Variants in ALAS1 observed in about 807,000 individuals in gnomAD.
ALAS1 encodes the protein 5-aminolevulinate synthase, non-specific, mitochondrial.
A neutral mutation model predicts 59.6 loss-of-function variants in ALAS1; 29 were observed. That is an observed-to-expected ratio of 0.49 (90% CI 0.36 to 0.66). The LOEUF is 0.66. ALAS1 is among the 30% of genes least tolerant of loss of function. The probability of loss-of-function intolerance (pLI) is 0.00; values close to 1 mark genes in which losing one functional copy is unlikely to be tolerated. For synonymous variants in ALAS1, 299 were observed against 296.6 expected (o/e 1.01, Z -0.08); for missense variants, 690 against 807.5 (o/e 0.85, Z 1.76).
intron 9 of ALAS1, among the ~76,000 whole-genome samples, chr3:52,209,685 A>G (rs1699366674): frequency 6.6e-6 from 1 of 151,740 alleles, no homozygotes; most frequent in Non-Finnish European, 1.5e-5. Context: ...ATCTATGAAG[A>G]CTCTTCTGGA....
At chr3:52,213,966 C>T (rs751445110) in intron 11 of ALAS1, 54 bp from the exon 12 acceptor site, 49 of 1,507,540 alleles carry the variant, frequency 3.3e-5, no homozygotes, top group Non-Finnish European at 4.3e-5. Context: ...CATATGTTTT[C>T]ATTTCTCTTG....
In ALAS1 at chr3:52,212,348, C is replaced by T; in HGVS notation, c.1690C>T (p.Pro564Ser). 1 of 1,614,154 alleles carries T rather than the reference C, an allele frequency of 6.2e-7. No homozygotes were observed. Among genetic ancestry groups the T allele is most frequent in the South Asian group, 1.1e-5 (1 of 91,068 alleles). ...YVQAINYPTV[P>S]RGEELLRIAP... The stretch of plus-strand genomic sequence containing the variant: ...GCAAGCAATCAATTACCCTACGGTG[C>T]CCCGGGGAGAAGAGCTCCTACGGAT... The change falls in exon 11 of 12, where the codon CCC becomes TCC. Residue 564 changes from proline (P) to serine (S), a missense_variant. Coordinates refer to ENST00000484952, the MANE Select transcript of ALAS1 (RefSeq NM_000688.6).
intron 8 of ALAS1, among the ~76,000 whole-genome samples, 170 bp downstream of exon 8, chr3:52,206,921 G>C (rs557958856): frequency 6.6e-6 from 1 of 150,928 alleles, no homozygotes; most frequent in Admixed American, 6.6e-5. Flanking sequence ...TGCAAGCTCC[G>C]CCTCCCGGGT....
In ALAS1 at chr3:52,204,874, C is replaced by T. The variant is rs759342642; in HGVS notation, c.759C>T (p.Tyr253=). The stretch of plus-strand genomic sequence containing the variant: ...TGTCAGTCTGGTGCAGTAATGACTA[C>T]CTAGGAATGAGTCGCCACCCACGGG... ...KQVSVWCSND[Y]LGMSRHPRVC... is the part of the protein sequence containing the mutation. The change falls in exon 6 of 12, where the codon TAC becomes TAT. Residue 253 remains tyrosine, a synonymous_variant. Coordinates refer to ENST00000484952, the MANE Select transcript of ALAS1 (RefSeq NM_000688.6). The T allele has an allele frequency of 5.0e-6, 8 of 1,614,124 alleles. 1 individual carries two copies. Among genetic ancestry groups the T allele is most frequent in the South Asian group, 2.2e-5 (2 of 91,082 alleles).
intron 3 of ALAS1, among the ~76,000 whole-genome samples, chr3:52,200,375 A>G (rs1427594002): frequency 6.6e-6 from 1 of 152,148 alleles, no homozygotes; most frequent in Non-Finnish European, 1.5e-5. Context: ...TTCTGTCTCT[A>G]TGAATTTGAC....
chr3:52,214,174 G>C lies in ALAS1; in HGVS notation c.1917G>C (p.Gln639His). ...GCTTGAGCAAGTTGGTATCTGCTCA[G>C]GCCTGAGCATGACCTCAATTATTTC... ...FSGLSKLVSAQA is the reference protein window; with the variant it reads ...FSGLSKLVSAHA Residue 639 changes from glutamine (Q) to histidine (H), a missense_variant, in exon 12 of 12, where the codon CAG becomes CAC. Coordinates refer to ENST00000484952, the MANE Select transcript of ALAS1 (RefSeq NM_000688.6). 3.1e-6 allele frequency: 5 copies of C among 1,595,278 alleles called. No individual in the cohort carries two copies. Among genetic ancestry groups the C allele is most frequent in the Non-Finnish European group, 4.3e-6 (5 of 1,164,366 alleles).
rs757638381 is a variant in ALAS1, at chr3:52,202,495, T to C, written c.200-12T>C. On this transcript the variant is annotated splice_polypyrimidine_tract_variant and intron_variant, in intron 3 of 11. Coordinates refer to ENST00000484952, the MANE Select transcript of ALAS1 (RefSeq NM_000688.6). ...AGATCTGATGCTTCACTTTTTCCATTTCCTCCCTCAGAAGACAAAACTGCT... is the reference window on the plus strand; with the variant it reads ...AGATCTGATGCTTCACTTTTTCCATCTCCTCCCTCAGAAGACAAAACTGCT... 1.2e-6 allele frequency: 2 copies of C among 1,603,442 alleles called. No individual in the cohort carries two copies. Among genetic ancestry groups the C allele is most frequent in the Non-Finnish European group, 8.5e-7 (1 of 1,170,714 alleles).
At chr3:52,201,355 A>G (rs1699182740) in intron 3 of ALAS1, among the ~76,000 whole-genome samples, 1 of 152,224 alleles carries the variant, frequency 6.6e-6, no homozygotes, top group Non-Finnish European at 1.5e-5. Flanking sequence ...TTTATTAGCA[A>G]TCTAAAGACC....
At chr3:52,208,539 G>A (rs1422525660) in intron 9 of ALAS1, among the ~76,000 whole-genome samples, 1 of 152,204 alleles carries the variant, frequency 6.6e-6, no homozygotes, top group Non-Finnish European at 1.5e-5. Context: ...TGTACTCTCT[G>A]TGCCTCAGGC....
rs551924229 is a variant in ALAS1, at chr3:52,198,845, A to G, written c.-36A>G. 1.7e-4 allele frequency: 254 copies of G among 1,535,684 alleles called. 2 individuals carry two copies. The highest frequency in any genetic ancestry group is 1.5e-3 in the South Asian group (123 of 84,062). ...TGGATGAGTGGCTTCTTCTCCACCT[A>G]GATGTAAGCCAAGATGTCTTATCTG... On this transcript the variant is annotated 5_prime_UTR_variant, in exon 2 of 12. An upstream open reading frame in the 5' UTR loses its in-frame stop. Coordinates refer to ENST00000484952, the MANE Select transcript of ALAS1 (RefSeq NM_000688.6).
chr3:52,214,180 A>T lies in ALAS1; in HGVS notation c.1923A>T (p.Ter641CysextTer2). 3 of 1,584,904 alleles carry T rather than the reference A, an allele frequency of 1.9e-6. No individual in the cohort carries two copies. The highest frequency in any genetic ancestry group is 2.6e-6 in the Non-Finnish European group (3 of 1,156,740). Residue 641 changes from the stop codon to cysteine (C), a stop_lost, in exon 12 of 12, where the codon TGA becomes TGT. Transcript: ENST00000484952. ...GLSKLVSAQA[*>C] is the part of the protein sequence containing the mutation. ...GCAAGTTGGTATCTGCTCAGGCCTG[A>T]GCATGACCTCAATTATTTCACTTAA...
At chr3:52,212,592 C>T in intron 11 of ALAS1, 172 bp downstream of exon 11, 2 of 787,550 alleles carry the variant, frequency 2.5e-6, no homozygotes, top group South Asian at 1.7e-5. Flanking sequence ...AGTACAATGG[C>T]ACAATCTCGG....
intron 2 of ALAS1, 60 bp from the exon 3 acceptor site, chr3:52,199,150 A>C (rs535433738): frequency 6.5e-7 from 1 of 1,539,542 alleles, no homozygotes; most frequent in East Asian, 2.3e-5. Context: ...ACCTGAATCC[A>C]GTGAGCTTGC....
Position 52,208,105 on chromosome 3 carries a change from G to A in ALAS1, c.1188G>A (p.Glu396=). 6.3e-7 allele frequency: 1 copy of A among 1,595,650 alleles called. No homozygotes were observed. Among genetic ancestry groups the A allele is most frequent in the African/African-American group, 1.3e-5 (1 of 74,440 alleles). The change falls in exon 9 of 12, where the codon GAG becomes GAA. Residue 396 remains glutamate, a synonymous_variant. Transcript: ENST00000484952. ...CAGGGGCGGTGTGCCCACTGGAAGA[G>A]CTGTGTGATGTGGCCCATGAGTTTG... The part of the protein sequence containing the change: ...SMDGAVCPLE[E]LCDVAHEFGA...
intron 10 of ALAS1, among the ~76,000 whole-genome samples, chr3:52,212,014 G>A (rs9813468): frequency 0.011 from 1,722 of 152,328 alleles, 31 homozygotes; most frequent in African/African-American, 0.039. Context: ...AACAGAACCA[G>A]TGTTTTCTGA....
chr3:52,211,543 C>G lies in ALAS1; in HGVS notation c.1591C>G (p.Pro531Ala), dbSNP rs1480003312. The change falls in exon 10 of 12, where the codon CCT becomes GCT. Residue 531 changes from proline to alanine, a missense_variant. Pro to Ala is a conservative substitution (Grantham distance 27). Transcript: ENST00000484952. The stretch of plus-strand genomic sequence containing the variant: ...TGTCCACTGCCCCAGCCACATCATC[C>G]CTGTGCGGGTAATGGCCTGTCTCTG... ...PVVHCPSHII[P>A]VRVADAAKNT... 6.2e-7 allele frequency: 1 copy of G among 1,613,852 alleles called. No individual in the cohort carries two copies. The highest frequency in any genetic ancestry group is 1.7e-5 in the Admixed American group (1 of 60,004).
At chr3:52,200,897 C>A (rs1384489762) in intron 3 of ALAS1, among the ~76,000 whole-genome samples, 1 of 151,734 alleles carries the variant, frequency 6.6e-6, no homozygotes, top group East Asian at 1.9e-4. Flanking sequence ...TTTCTTTAAG[C>A]AGAAAGGATT....
At chr3:52,205,319 A>G (rs1699271866) in intron 6 of ALAS1, among the ~76,000 whole-genome samples, 1 of 152,202 alleles carries the variant, frequency 6.6e-6, no homozygotes, top group Admixed American at 6.5e-5. Context: ...GGTAGATCCC[A>G]TCACTCGTCC....
chr3:52,212,190 C>A, intron 10 of ALAS1, 68 bp from the exon 11 acceptor site: 1 of 1,449,414 alleles, frequency 6.9e-7, no homozygotes, highest in Non-Finnish European at 9.5e-7. Flanking sequence ...GGACTGCGTT[C>A]GTTAGGATCT....
Sources: gnomAD v4.1 joint callset for allele counts (sites outside exome capture counted in the v4.1 genomes callset) on GRCh38, gnomAD v4.1.1 for gene constraint, MANE v1.5 for transcripts, NCBI Gene and HGNC (gene_info 2026-07-23, HGNC 2026-07-21) for gene names.